ZNF346: variants seen among roughly 807,000 people sequenced by gnomAD.
ZNF346 encodes the protein zinc finger protein 346, also known as double-stranded RNA-binding zinc finger protein JAZ.
ZNF346 carries 23 observed loss-of-function variants against 33.7 expected under a neutral mutation model. The observed-to-expected ratio is 0.68, with a 90% confidence interval of 0.49 to 0.97. ZNF346 has a LOEUF of 0.97. Ranked by LOEUF, ZNF346 falls within the 50% of genes least tolerant of loss-of-function variation. ZNF346 has a pLI of 0.00. For synonymous variants in ZNF346, 134 were observed against 142.4 expected (o/e 0.94, Z 0.42); for missense variants, 340 against 371.1 (o/e 0.92, Z 0.69).
rs895200748 is a variant in ZNF346 at position 177,066,994 on chromosome 5, G to A, written c.*2395G>A. 6.6e-6 allele frequency among the ~76,000 whole-genome samples: 1 copy of A among 152,126 alleles called. No individual in the cohort carries two copies. Among genetic ancestry groups the A allele is most frequent in the Admixed American group, 6.5e-5 (1 of 15,268 alleles). On this transcript the variant is annotated 3_prime_UTR_variant, in exon 7 of 7. Transcript: ENST00000358149. ...AGAGAATTGCTTGAACCCGGGAGGCGGAGGGTCGCATTGAGCCAAGATCGT... is the reference window on the plus strand; with the variant it reads ...AGAGAATTGCTTGAACCCGGGAGGCAGAGGGTCGCATTGAGCCAAGATCGT...
At chr5:177,080,367 G>A (rs1207151114) in exon 9 of ZNF346, 1 of 152,270 alleles carries the variant, frequency 6.6e-6, no homozygotes, top group Non-Finnish European at 1.5e-5. Flanking sequence ...CAGTGAGCAA[G>A]GGGTATATGC....
In ZNF346 at chr5:177,059,612, C is replaced by CTCT. The variant is rs397716792; in HGVS notation, c.704-2445_704-2443dup. On this transcript the variant is annotated intron_variant, in intron 5 of 6. Transcript: ENST00000358149. ...ATGTCCCCTCCAGGTTACTGAAATC[C>CTCT]TCTGCTTCACCCCATTACTTTCCCT... Among the ~76,000 whole-genome samples, 368 of 152,060 alleles carry CTCT rather than the reference C, an allele frequency of 2.4e-3. 2 individuals carry two copies. The highest frequency in any genetic ancestry group is 8.4e-3 in the African/African-American group (347 of 41,468).
At chr5:177,041,283 A>G (rs1420769559) in intron 2 of ZNF346, 54 bp downstream of exon 2, 1 of 1,416,928 alleles carries the variant, frequency 7.1e-7, no homozygotes, top group Non-Finnish European at 1.0e-6. Context: ...GTGCCAAACC[A>G]CTAATTCTCT....
At chr5:177,031,423 C>T (rs1777672500) in intron 1 of ZNF346, among the ~76,000 whole-genome samples, 1 of 152,228 alleles carries the variant, frequency 6.6e-6, no homozygotes, top group Non-Finnish European at 1.5e-5. Flanking sequence ...ATATGTCATT[C>T]CAGTGCCTTC....
At chr5:177,044,605 A>G (rs2149643094) in intron 4 of ZNF346, 72 bp downstream of exon 4, 1 of 1,527,174 alleles carries the variant, frequency 6.5e-7, no homozygotes, top group East Asian at 2.3e-5. Context: ...AGGGGCTCAC[A>G]GAGATCCTCA....
chr5:177,029,742 T>C (rs2097232167), intron 1 of ZNF346, among the ~76,000 whole-genome samples: 1 of 152,186 alleles, frequency 6.6e-6, no homozygotes, highest in Admixed American at 6.6e-5. Context: ...GTCTTGCGTG[T>C]TACTTCTCCC....
chr5:177,053,222 A>G (rs569846328), intron 5 of ZNF346, among the ~76,000 whole-genome samples: 8 of 149,174 alleles, frequency 5.4e-5, no homozygotes, highest in African/African-American at 2.0e-4. Flanking sequence ...AGGCTGAGGC[A>G]GGAGAATTGC....
chr5:177,024,948 T>C (rs1476398566), intron 1 of ZNF346, among the ~76,000 whole-genome samples: 1 of 152,220 alleles, frequency 6.6e-6, no homozygotes, highest in African/African-American at 2.4e-5. Flanking sequence ...TTTTCTACTC[T>C]TAGCACCTTC....
At chr5:177,073,651 A>G (rs1400807692) in intron 8 of ZNF346, among the ~76,000 whole-genome samples, 1 of 152,146 alleles carries the variant, frequency 6.6e-6, no homozygotes, top group Admixed American at 6.6e-5. Context: ...ATGAAGGTCA[A>G]AGGAGCCAGG....
At chr5:177,037,214 G>A (rs540104612) in intron 1 of ZNF346, among the ~76,000 whole-genome samples, 6 of 152,164 alleles carry the variant, frequency 3.9e-5, no homozygotes, top group East Asian at 1.9e-4. Context: ...ATTCAACTTC[G>A]CTTCCTCTGC....
chr5:177,031,204 T>A (rs961982850), intron 1 of ZNF346, among the ~76,000 whole-genome samples: 2 of 152,080 alleles, frequency 1.3e-5, no homozygotes, highest in Admixed American at 1.3e-4. Flanking sequence ...CCAGCTAATT[T>A]TGTATTTTTA....
intron 1 of ZNF346, among the ~76,000 whole-genome samples, chr5:177,036,159 G>A (rs1418057338): frequency 6.6e-6 from 1 of 152,088 alleles, no homozygotes; most frequent in African/African-American, 2.4e-5. Flanking sequence ...AACAACAGCG[G>A]GGTGGAGCCT....
At chr5:177,023,166 T>C (rs1347223109) in intron 1 of ZNF346, 1 of 1,535,922 alleles carries the variant, frequency 6.5e-7, no homozygotes, top group South Asian at 1.2e-5. Context: ...ACAGCGCAGT[T>C]TTTCCCACAT....
chr5:177,057,955 G>A (rs1341263685), intron 5 of ZNF346, among the ~76,000 whole-genome samples: 4 of 150,760 alleles, frequency 2.7e-5, no homozygotes, highest in Non-Finnish European at 5.9e-5. Flanking sequence ...CCGAGTAGCT[G>A]GGATTATAGG....
At chr5:177,031,519 C>T (rs555713135) in intron 1 of ZNF346, among the ~76,000 whole-genome samples, 3 of 152,214 alleles carry the variant, frequency 2.0e-5, no homozygotes, top group East Asian at 3.9e-4. Flanking sequence ...TCTCTCTCAC[C>T]GCTTTCAGGA....
chr5:177,030,540 C>G (rs1464242555), intron 1 of ZNF346, among the ~76,000 whole-genome samples: 1 of 151,978 alleles, frequency 6.6e-6, no homozygotes, highest in African/African-American at 2.4e-5. Context: ...ATTTCCTGAC[C>G]TCGTGATCCG....
At chr5:177,074,300 G>A (rs552529065) in intron 8 of ZNF346, among the ~76,000 whole-genome samples, 2 of 152,310 alleles carry the variant, frequency 1.3e-5, no homozygotes, top group East Asian at 3.9e-4. Flanking sequence ...TAGTCCGGGT[G>A]GGGAAGACCT....
downstream of ZNF346, among the ~76,000 whole-genome samples, chr5:177,069,761 A>G (rs1783415773): frequency 2.6e-5 from 4 of 152,144 alleles, no homozygotes; most frequent in Admixed American, 2.6e-4. Flanking sequence ...TCCTGGGCTC[A>G]AGTGATCCTC....
chr5:177,043,718 C>T (rs1266636013), intron 3 of ZNF346, among the ~76,000 whole-genome samples: 1 of 151,778 alleles, frequency 6.6e-6, no homozygotes, highest in African/African-American at 2.4e-5. Context: ...GAGCCGAGAT[C>T]GTGCCACTGC....
Sources: gnomAD v4.1 joint callset for allele counts (sites outside exome capture counted in the v4.1 genomes callset) on GRCh38, gnomAD v4.1.1 for gene constraint, MANE v1.5 for transcripts, NCBI Gene and HGNC (gene_info 2026-07-23, HGNC 2026-07-21) for gene names.